The following STXBP5L variants were observed in gnomAD, a reference collection of about 807,000 sequenced individuals.
The protein encoded by STXBP5L is syntaxin-binding protein 5-like.
Under a neutral mutation model 144.5 loss-of-function variants are expected in STXBP5L, and 65 were observed. The ratio of observed to expected loss-of-function variants is 0.45; its 90% CI spans 0.37 to 0.55. The LOEUF is 0.55. Ranked by LOEUF, STXBP5L falls within the 20% of genes least tolerant of loss-of-function variation. The pLI is 0.00. For missense variants in STXBP5L, 1,298 were observed against 1,405.5 expected, an observed-to-expected ratio of 0.92 and a Z score of 1.22; for synonymous variants, 505 against 469.6, an observed-to-expected ratio of 1.08 and a Z score of -0.97.
chr3:121,383,779 G>C (rs1008902776), intron 22 of STXBP5L, among the ~76,000 whole-genome samples: 1 of 152,016 alleles, frequency 6.6e-6, no homozygotes, highest in African/African-American at 2.4e-5. Flanking sequence ...TAACTGTCCC[G>C]GTCTTCACTC....
At chr3:121,082,515 T>C (rs947393309) in intron 5 of STXBP5L, among the ~76,000 whole-genome samples, 12 of 152,232 alleles carry the variant, frequency 7.9e-5, no homozygotes, top group African/African-American at 2.9e-4. Context: ...ACCCATTCCA[T>C]TGGACCAAGG....
intron 2 of STXBP5L, among the ~76,000 whole-genome samples, chr3:120,941,302 A>G (rs1710554911): frequency 6.6e-6 from 1 of 151,808 alleles, no homozygotes; most frequent in African/African-American, 2.4e-5. Flanking sequence ...TTAATCTGTA[A>G]TAATCACTAG....
intron 20 of STXBP5L, among the ~76,000 whole-genome samples, chr3:121,337,368 C>A (rs2044543068): frequency 7.1e-6 from 1 of 141,194 alleles, no homozygotes; most frequent in Non-Finnish European, 1.5e-5. Flanking sequence ...TATTCCATGC[C>A]AATATAAGAA....
chr3:121,078,608 C>A (rs879616267), intron 5 of STXBP5L, among the ~76,000 whole-genome samples: 10 of 152,354 alleles, frequency 6.6e-5, no homozygotes, highest in Admixed American at 6.5e-4. Context: ...GAGGCTTGGG[C>A]CACACAGGAG....
In STXBP5L at chr3:121,424,306, A is replaced by C. The variant is rs2047414437; in HGVS notation, c.*5209A>C. On this transcript the variant is annotated 3_prime_UTR_variant, in exon 27 of 27. Coordinates refer to ENST00000471454, the MANE Select transcript of STXBP5L (RefSeq NM_001308330.2). Reference sequence around the variant, plus strand: ...TAGTCTTTGGACATGTGTTTAAAGGAAAAGAATACCTGTAACTTCCTATAT... The same window carrying C: ...TAGTCTTTGGACATGTGTTTAAAGGCAAAGAATACCTGTAACTTCCTATAT... 1 of 152,190 alleles carries C rather than the reference A, an allele frequency of 6.6e-6. No individual in the cohort carries two copies. The highest frequency in any genetic ancestry group is 1.5e-5 in the Non-Finnish European group (1 of 68,042). 9.4% of individuals were successfully genotyped at this position (152,190 alleles called of 1,614,324 possible).
intron 3 of STXBP5L, among the ~76,000 whole-genome samples, chr3:120,980,146 T>C (rs1941597018): frequency 6.6e-6 from 1 of 152,200 alleles, no homozygotes; most frequent in Admixed American, 6.5e-5. Flanking sequence ...ACATATGGTA[T>C]ATTTTGGGGG....
At position 121,142,496 on chromosome 3, in the gene STXBP5L, C is replaced by T. The variant is rs978511668; in HGVS notation, c.670-9981C>T. On this transcript the variant is annotated intron_variant, in intron 7 of 26. Transcript: ENST00000471454. ...GGAATATTCTCCAAAATAGATAACA[C>T]GTTAGGCCATGAAACAAACCTTAAT... Among the ~76,000 whole-genome samples, 32 of 151,864 alleles carry T rather than the reference C, an allele frequency of 2.1e-4. 1 individual carries two copies. The highest frequency in any genetic ancestry group is 2.0e-3 in the Admixed American group (30 of 15,224).
intron 20 of STXBP5L, among the ~76,000 whole-genome samples, chr3:121,333,906 G>A (rs1024689941): frequency 6.6e-6 from 1 of 152,048 alleles, no homozygotes; most frequent in African/African-American, 2.4e-5. Context: ...TGGTTTGGCT[G>A]TGTCCCCACC....
chr3:120,971,420 G>A (rs1940236469), intron 3 of STXBP5L, among the ~76,000 whole-genome samples: 1 of 151,570 alleles, frequency 6.6e-6, no homozygotes, highest in South Asian at 2.1e-4. Context: ...AGCCTCCAAT[G>A]TCTATTATTC....
At chr3:121,322,499 G>A (rs1025735484) in intron 20 of STXBP5L, among the ~76,000 whole-genome samples, 1 of 145,200 alleles carries the variant, frequency 6.9e-6, no homozygotes, top group Admixed American at 6.9e-5. Flanking sequence ...AAAAAGACAT[G>A]ACTTTCTTTT....
At chr3:121,199,907 G>A (rs2048071839) in intron 9 of STXBP5L, among the ~76,000 whole-genome samples, 1 of 151,974 alleles carries the variant, frequency 6.6e-6, no homozygotes, top group South Asian at 2.1e-4. Flanking sequence ...GAAGATTTTT[G>A]TATTGATGTT....
chr3:120,981,966 A>G (rs1238117480), intron 3 of STXBP5L, among the ~76,000 whole-genome samples: 1 of 152,192 alleles, frequency 6.6e-6, no homozygotes, highest in Non-Finnish European at 1.5e-5. Context: ...GCCTTTGTGC[A>G]GTGGCTTTCT....
chr3:121,105,050 A>G (rs1261029485), intron 5 of STXBP5L, among the ~76,000 whole-genome samples: 2 of 152,144 alleles, frequency 1.3e-5, no homozygotes, highest in South Asian at 4.1e-4. Flanking sequence ...AAAAATAAAA[A>G]CAAATAATCC....
chr3:120,980,086 A>C (rs913632115), intron 3 of STXBP5L, among the ~76,000 whole-genome samples: 3 of 152,140 alleles, frequency 2.0e-5, no homozygotes, highest in Admixed American at 2.0e-4. Flanking sequence ...GTCTGAAAAA[A>C]ATACTTGATT....
chr3:120,915,525 T>C (rs1434739516), intron 2 of STXBP5L, among the ~76,000 whole-genome samples: 4 of 152,164 alleles, frequency 2.6e-5, no homozygotes, highest in Non-Finnish European at 4.4e-5. Flanking sequence ...TTTTTGTTCC[T>C]ACTTAAGTAT....
intron 2 of STXBP5L, among the ~76,000 whole-genome samples, chr3:120,928,551 G>A (rs1429906752): frequency 2.0e-5 from 3 of 152,018 alleles, no homozygotes; most frequent in Admixed American, 6.6e-5. Flanking sequence ...ATGAGCCACC[G>A]CACCTGGCCT....
chr3:121,171,744 G>C (rs2046726694), intron 9 of STXBP5L, among the ~76,000 whole-genome samples: 2 of 149,714 alleles, frequency 1.3e-5, no homozygotes, highest in Non-Finnish European at 2.9e-5. Context: ...CGGATAAGAA[G>C]AATCAATATC....
At chr3:120,968,562 C>T (rs1049033646) in intron 3 of STXBP5L, among the ~76,000 whole-genome samples, 1 of 152,052 alleles carries the variant, frequency 6.6e-6, no homozygotes, top group South Asian at 2.1e-4. Flanking sequence ...AGCCACCCTG[C>T]ATTTTAATTT....
At chr3:121,329,000 G>T (rs2044238993) in intron 20 of STXBP5L, among the ~76,000 whole-genome samples, 1 of 151,588 alleles carries the variant, frequency 6.6e-6, no homozygotes, top group Non-Finnish European at 1.5e-5. Context: ...AAAAAGCCCA[G>T]AAAAGTTATA....
Sources: allele counts gnomAD v4.1 joint callset (sites outside exome capture counted in the v4.1 genomes callset), GRCh38; gene constraint gnomAD v4.1.1; transcripts MANE v1.5; gene names NCBI Gene and HGNC (gene_info 2026-07-23, HGNC 2026-07-21).